MCF2L: variants seen among roughly 807,000 people sequenced by gnomAD.
The protein encoded by MCF2L is guanine nucleotide exchange factor DBS.
In MCF2L, 97 loss-of-function variants were observed where a neutral mutation model predicts 153.4. That is an observed-to-expected ratio of 0.63 (90% CI 0.54 to 0.75). The LOEUF is 0.75. Among genes scored for constraint, MCF2L ranks in the 30% least tolerant of loss-of-function variants. The pLI is 0.00. For synonymous variants in MCF2L, 659 were observed against 632.2 expected, an observed-to-expected ratio of 1.04 and a Z score of -0.64; for missense variants, 1,347 against 1,495.2, an observed-to-expected ratio of 0.90 and a Z score of 1.64.
At chr13:112,985,885 C>A (rs1298345805) in intron 1 of MCF2L, among the ~76,000 whole-genome samples, 1 of 152,132 alleles carries the variant, frequency 6.6e-6, no homozygotes, top group East Asian at 1.9e-4. Flanking sequence ...GTCCCCTTGA[C>A]CATGGGACAC....
At chr13:113,044,350 A>C (rs774067367) in intron 3 of MCF2L, 3 of 340,122 alleles carry the variant, frequency 8.8e-6, no homozygotes. Flanking sequence ...TTTAAATCCG[A>C]GCGTCAGAAG....
intron 2 of MCF2L, among the ~76,000 whole-genome samples, chr13:112,911,233 G>A (rs1395891823): frequency 1.3e-5 from 2 of 152,236 alleles, no homozygotes; most frequent in Non-Finnish European, 2.9e-5. Context: ...CAGAGGCTGG[G>A]TCTGGTCAGA....
At chr13:113,057,637 T>TGAG (rs2030367249) in intron 4 of MCF2L, among the ~76,000 whole-genome samples, 4 of 62,684 alleles carry the variant, frequency 6.4e-5, no homozygotes, top group Admixed American at 3.0e-4. Context: ...TGCTGAGTGT[T>TGAG]TGGGTGCTGA....
rs1390713396 is a variant in MCF2L at position 113,046,441 on chromosome 13, G to T, written c.369+1080G>T. The T allele has an allele frequency of 6.5e-6, 3 of 464,676 alleles. No homozygotes were observed. Among genetic ancestry groups the T allele is most frequent in the African/African-American group, 6.3e-5 (3 of 47,870 alleles). 28.8% of individuals were successfully genotyped at this position (464,676 alleles called of 1,614,324 possible). On this transcript the variant is annotated intron_variant, in intron 4 of 29. Coordinates refer to ENST00000535094, the MANE Select transcript of MCF2L (RefSeq NM_001112732.3). This position sits in a 1 kb window ranked among gnomAD's most constrained non-coding sequence, Gnocchi z 4.4. ...AGTGAAGTCAGATTCTCCCAGTGAA[G>T]TCAGATTCTCCTGGCCTTTCCTGGG...
At chr13:112,902,561 C>T (rs546844807) in intron 2 of MCF2L, among the ~76,000 whole-genome samples, 1 of 152,286 alleles carries the variant, frequency 6.6e-6, no homozygotes, top group South Asian at 2.1e-4. Flanking sequence ...CTGCCCAGGT[C>T]CAAGTTGGGA....
intron 3 of MCF2L, among the ~76,000 whole-genome samples, chr13:113,039,024 A>AT (rs1355368877): frequency 1.4e-4 from 21 of 151,820 alleles, no homozygotes; most frequent in Admixed American, 3.9e-4. Context: ...CGCCCTGCTG[A>AT]TTTTTTTTGT....
At chr13:112,958,241 G>C (rs1202521770) in intron 2 of MCF2L, 1 of 152,278 alleles carries the variant, frequency 6.6e-6, no homozygotes, top group Admixed American at 6.5e-5. Flanking sequence ...TGTGCCCCGT[G>C]TCATGGGCTG....
intron 18 of MCF2L, chr13:113,084,601 T>C (rs562872398): frequency 3.5e-5 from 17 of 481,064 alleles, no homozygotes; most frequent in East Asian, 2.0e-4. Context: ...ATAAATGGCC[T>C]TCTAAGAATG....
At chr13:112,899,043 C>T (rs1220840251) in intron 1 of MCF2L, among the ~76,000 whole-genome samples, 2 of 152,244 alleles carry the variant, frequency 1.3e-5, no homozygotes, top group South Asian at 4.1e-4. Flanking sequence ...GAAGCTGGCT[C>T]TCCCTGGGAT....
intron 16 of MCF2L, 87 bp from the exon 17 acceptor site, chr13:113,082,340 C>T: frequency 3.9e-6 from 3 of 775,292 alleles, no homozygotes; most frequent in East Asian, 5.1e-5. Context: ...CTGGCCTGGC[C>T]CACAGATGAG....
intron 1 of MCF2L, chr13:112,985,554 C>T (rs1246083434): frequency 2.2e-5 from 10 of 446,822 alleles, no homozygotes; most frequent in African/African-American, 1.4e-4. Flanking sequence ...CTGGGTGAGG[C>T]AGCATGGAGG....
At chr13:112,998,410 G>A (rs988925583) in intron 1 of MCF2L, among the ~76,000 whole-genome samples, 4 of 152,188 alleles carry the variant, frequency 2.6e-5, no homozygotes, top group Admixed American at 2.0e-4. Context: ...TTGGGGAAAT[G>A]GGCTGGGGAC....
chr13:113,057,878 ATGCTGAGTGTTTGGG>A (rs1441786146), intron 4 of MCF2L, among the ~76,000 whole-genome samples: 1 of 64,378 alleles, frequency 1.6e-5, no homozygotes, highest in African/African-American at 6.3e-5. Flanking sequence ...GAGTGTTTGG[ATGCTGAGTGTTTGGG>A]TGCTGAGTGG....
intron 1 of MCF2L, among the ~76,000 whole-genome samples, chr13:112,989,305 T>C (rs1377221836): frequency 2.1e-5 from 3 of 145,304 alleles, no homozygotes; most frequent in African/African-American, 7.7e-5. Flanking sequence ...GAGTCCTCCC[T>C]GAGCAGGGGA....
At chr13:113,088,286 G>T (rs565254361) in intron 23 of MCF2L, 41 bp from the exon 24 acceptor site, 11 of 1,510,230 alleles carry the variant, frequency 7.3e-6, no homozygotes, top group Non-Finnish European at 1.0e-5. Context: ...TTCCTCGGGG[G>T]CCTGAGTACT....
intron 1 of MCF2L, chr13:112,985,528 G>A: frequency 4.3e-6 from 2 of 463,220 alleles, no homozygotes; most frequent in Non-Finnish European, 9.0e-6. Context: ...TGTGCTCGGA[G>A]CAGTCGAGGC....
At chr13:113,063,664 C>T (rs1013267380) in intron 5 of MCF2L, among the ~76,000 whole-genome samples, 1 of 152,164 alleles carries the variant, frequency 6.6e-6, no homozygotes, top group African/African-American at 2.4e-5. Context: ...TATTAAATAC[C>T]GTATCAGTCT....
chr13:112,904,669 A>C lies in MCF2L; in HGVS notation c.169+2298A>C, dbSNP rs1265152584. Among the ~76,000 whole-genome samples the C allele has an allele frequency of 5.9e-5, 9 of 152,224 alleles. No homozygotes were observed. ...GGGGATTGGAAGATAATCTGCTTAG[A>C]GTTCTGAGCGGTGAAGCCCTTCTGG... On this transcript the variant is annotated intron_variant, in intron 2 of 29. Transcript: ENST00000375608. This position sits in a 1 kb window ranked among gnomAD's most constrained non-coding sequence, Gnocchi z 4.2.
intron 26 of MCF2L, chr13:113,091,006 G>A: frequency 7.9e-7 from 1 of 1,261,488 alleles, no homozygotes; most frequent in South Asian, 1.3e-5. Context: ...GGTGGAAAGG[G>A]GCCACAACGT....
Sources: gnomAD v4.1 joint callset for allele counts (sites outside exome capture counted in the v4.1 genomes callset) on GRCh38, gnomAD v4.1.1 for gene constraint, Gnocchi (gnomAD v3.1) non-coding constraint, MANE v1.5 for transcripts, NCBI Gene and HGNC (gene_info 2026-07-23, HGNC 2026-07-21) for gene names.